Variants in NSUN2 observed in about 807,000 individuals in gnomAD.
NSUN2 encodes NOP2/Sun RNA methyltransferase 2.
In NSUN2, 63 loss-of-function variants were observed where a neutral mutation model predicts 92.7. The ratio of observed to expected loss-of-function variants is 0.68; its 90% CI spans 0.56 to 0.84. The LOEUF (loss-of-function observed/expected upper bound fraction) is 0.84, where lower values mean the gene tolerates loss of function less well. NSUN2 is among the 40% of genes least tolerant of loss of function. NSUN2 has a pLI of 0.00. For missense variants in NSUN2, 989 were observed against 964.9 expected, an observed-to-expected ratio of 1.02 and a Z score of -0.33; for synonymous variants, 356 against 348.3, an observed-to-expected ratio of 1.02 and a Z score of -0.25.
At chr5:6,622,165 A>C (rs1402730459) in intron 5 of NSUN2, 65 bp from the exon 6 acceptor site, 2 of 1,296,962 alleles carry the variant, frequency 1.5e-6, no homozygotes, top group African/African-American at 3.0e-5. Flanking sequence ...TTTAATTTAA[A>C]GCAATTCTAG....
intron 8 of NSUN2, 23 bp from the exon 9 acceptor site, chr5:6,616,880 T>C (rs1295862968): frequency 1.2e-6 from 2 of 1,607,528 alleles, no homozygotes; most frequent in East Asian, 2.2e-5. Flanking sequence ...ATCAGATGAC[T>C]GCAAGGCCAA....
At chr5:6,608,112 T>A (rs1259308448) in intron 12 of NSUN2, among the ~76,000 whole-genome samples, 2 of 152,238 alleles carry the variant, frequency 1.3e-5, no homozygotes, top group Non-Finnish European at 2.9e-5. Flanking sequence ...ACAAAGCTAC[T>A]GAGCAGAGAA....
chr5:6,616,638 G>A lies in NSUN2; in HGVS notation c.1021+89C>T. On this transcript the variant is annotated intron_variant, in intron 9 of 18. Coordinates refer to ENST00000264670, the MANE Select transcript of NSUN2 (RefSeq NM_017755.6). ...GAACTGCAGGCTCAAAAATGATTAA[G>A]ATGGTAAACCTCACGTTATGTGTAT... 6 of 180,800 alleles carry A rather than the reference G, an allele frequency of 3.3e-5. 2 individuals carry two copies. Among genetic ancestry groups the A allele is most frequent in the Non-Finnish European group, 4.7e-5 (6 of 128,856 alleles). The allele number at this position is 180,800 out of a possible 1,614,324, so 11.2% of individuals were successfully genotyped here.
chr5:6,616,936 A>G (rs1035935797), intron 8 of NSUN2, 79 bp from the exon 9 acceptor site: 16 of 1,277,028 alleles, frequency 1.3e-5, no homozygotes, highest in Non-Finnish European at 1.7e-5. Context: ...CTTATGTCAC[A>G]TATTCATTAC....
chr5:6,632,361 C>G (rs1737953448), intron 2 of NSUN2, among the ~76,000 whole-genome samples: 1 of 152,124 alleles, frequency 6.6e-6, no homozygotes, highest in Non-Finnish European at 1.5e-5. Context: ...TGGAAGATTC[C>G]CCAGGAGCCG....
intron 11 of NSUN2, 60 bp from the exon 12 acceptor site, chr5:6,609,982 T>A: frequency 8.7e-7 from 1 of 1,149,146 alleles, no homozygotes; most frequent in Non-Finnish European, 1.3e-6. Context: ...CTTTTACTAT[T>A]AAGACAAATA....
chr5:6,626,738 T>C (rs1193820635), intron 3 of NSUN2, among the ~76,000 whole-genome samples: 1 of 152,202 alleles, frequency 6.6e-6, no homozygotes, highest in African/African-American at 2.4e-5. Flanking sequence ...CCATGCTCAA[T>C]CCAATGCCAA....
intron 3 of NSUN2, among the ~76,000 whole-genome samples, chr5:6,627,922 C>A (rs1737719160): frequency 6.6e-6 from 1 of 152,074 alleles, no homozygotes; most frequent in South Asian, 2.1e-4. Flanking sequence ...AAGAAAAAAT[C>A]CTATTTGGGC....
At chr5:6,619,050 A>G (rs1013357819) in intron 7 of NSUN2, among the ~76,000 whole-genome samples, 3 of 152,204 alleles carry the variant, frequency 2.0e-5, no homozygotes, top group South Asian at 2.1e-4. Flanking sequence ...CTTGCTCATA[A>G]GGTCACTGCG....
intron 17 of NSUN2, among the ~76,000 whole-genome samples, chr5:6,603,108 T>C (rs959405922): frequency 2.6e-5 from 4 of 152,080 alleles, no homozygotes; most frequent in African/African-American, 7.2e-5. Flanking sequence ...TTTGATCAAA[T>C]TGAGCCAAAA....
chr5:6,601,163 TA>T (rs3836786), intron 18 of NSUN2, among the ~76,000 whole-genome samples: 33,873 of 150,946 alleles, frequency 0.22, 4,130 homozygotes, highest in East Asian at 0.43. Context: ...CCCATCTTCT[TA>T]AAAAAAAAAA....
intron 18 of NSUN2, among the ~76,000 whole-genome samples, chr5:6,601,485 C>T (rs1736555030): frequency 1.3e-5 from 2 of 152,030 alleles, no homozygotes; most frequent in African/African-American, 2.4e-5. Flanking sequence ...TGTTCCCTCA[C>T]CAAGTTCCTG....
intron 7 of NSUN2, among the ~76,000 whole-genome samples, chr5:6,619,045 T>C (rs1350213590): frequency 6.6e-6 from 1 of 152,180 alleles, no homozygotes; most frequent in African/African-American, 2.4e-5. Context: ...AACCTCTTGC[T>C]CATAAGGTCA....
intron 11 of NSUN2, 102 bp downstream of exon 11, chr5:6,610,853 G>T: frequency 7.1e-7 from 1 of 1,399,028 alleles, no homozygotes. Context: ...TCACAGCAAT[G>T]TCACCTGCTG....
At chr5:6,607,781 T>C (rs923847991) in intron 12 of NSUN2, among the ~76,000 whole-genome samples, 9 of 152,182 alleles carry the variant, frequency 5.9e-5, no homozygotes, top group Non-Finnish European at 1.0e-4. Context: ...GACAAGTATA[T>C]AAATAACGAG....
rs41282633 is a variant in NSUN2, at chr5:6,605,256, G to C, written c.1737+17C>G. The C allele has an allele frequency of 6.2e-7, 1 of 1,613,692 alleles. No homozygotes were observed. Among genetic ancestry groups the C allele is most frequent in the South Asian group, 1.1e-5 (1 of 91,014 alleles). ...CATCCCGCATCACACAGCACTCAGCGTCTGTGCGGCTGGCACCTTCATCTT... is the reference window on the plus strand; with the variant it reads ...CATCCCGCATCACACAGCACTCAGCCTCTGTGCGGCTGGCACCTTCATCTT... On this transcript the variant is annotated intron_variant, in intron 15 of 18. Coordinates refer to ENST00000264670, the MANE Select transcript of NSUN2 (RefSeq NM_017755.6).
intron 9 of NSUN2, among the ~76,000 whole-genome samples, chr5:6,616,229 C>T (rs1737205756): frequency 6.6e-6 from 1 of 152,186 alleles, no homozygotes; most frequent in Admixed American, 6.5e-5. Flanking sequence ...TGGCTCACAA[C>T]AGCCAAAAAG....
At chr5:6,618,201 T>C (rs1005105914) in intron 7 of NSUN2, among the ~76,000 whole-genome samples, 177 bp from the exon 8 acceptor site, 1 of 152,244 alleles carries the variant, frequency 6.6e-6, no homozygotes, top group Non-Finnish European at 1.5e-5. Context: ...GATTTTCTAA[T>C]GTATTATAGT....
intron 12 of NSUN2, among the ~76,000 whole-genome samples, chr5:6,608,817 A>T (rs1241403418): frequency 1.3e-5 from 2 of 152,248 alleles, no homozygotes; most frequent in Non-Finnish European, 2.9e-5. Context: ...TCTAAAACAC[A>T]AGCTACTGAA....
Sources: allele counts gnomAD v4.1 joint callset (sites outside exome capture counted in the v4.1 genomes callset), GRCh38; gene constraint gnomAD v4.1.1; transcripts MANE v1.5; gene names NCBI Gene and HGNC (gene_info 2026-07-23, HGNC 2026-07-21).